CD2AP: variants seen among roughly 807,000 people sequenced by gnomAD.
The protein encoded by CD2AP is CD2 associated protein.
In CD2AP, 46 loss-of-function variants were observed where a neutral mutation model predicts 85.1. The ratio of observed to expected loss-of-function variants is 0.54; its 90% confidence interval spans 0.43 to 0.69. The LOEUF is 0.69. Among genes scored for constraint, CD2AP ranks in the 30% least tolerant of loss-of-function variants. The pLI, the probability that CD2AP is intolerant of heterozygous loss-of-function variation, is 0.00. For synonymous variants in CD2AP, 255 were observed against 252.9 expected (o/e 1.01, Z -0.08); for missense variants, 769 against 729.5 (o/e 1.05, Z -0.62).
At chr6:47,591,121 G>A (rs1475108648) in intron 11 of CD2AP, among the ~76,000 whole-genome samples, 8 of 151,218 alleles carry the variant, frequency 5.3e-5, no homozygotes, top group African/African-American at 1.2e-4. Context: ...ATGTTACCAC[G>A]TAGCAACAAA....
chr6:47,478,532 A>G (rs1765365140), intron 1 of CD2AP, among the ~76,000 whole-genome samples: 1 of 151,908 alleles, frequency 6.6e-6, no homozygotes, highest in African/African-American at 2.4e-5. Flanking sequence ...GCGCCTGGCC[A>G]CCTCTGCTAA....
Position 47,478,155 on chromosome 6 carries a change from G to T in CD2AP, c.-90G>T. On this transcript the variant is annotated 5_prime_UTR_variant, in exon 1 of 18. Transcript: ENST00000359314. ...GGGGCTAGCGCGGAGCGCGGGTCCCGCCTCCAGCCGCGGGAGCGGCCGCGC... is the reference window on the plus strand; with the variant it reads ...GGGGCTAGCGCGGAGCGCGGGTCCCTCCTCCAGCCGCGGGAGCGGCCGCGC... The T allele has an allele frequency of 6.6e-7, 1 of 1,507,812 alleles. No individual in the cohort carries two copies. 93.4% of individuals were successfully genotyped at this position (1,507,812 alleles called of 1,614,324 possible).
chr6:47,480,847 A>G (rs1371828613), intron 1 of CD2AP, among the ~76,000 whole-genome samples: 5 of 152,258 alleles, frequency 3.3e-5, no homozygotes, highest in African/African-American at 1.2e-4. Context: ...TTTATGTGAT[A>G]TAACCTTACA....
intron 2 of CD2AP, among the ~76,000 whole-genome samples, chr6:47,531,333 C>T (rs146568147): frequency 1.3e-5 from 2 of 151,940 alleles, no homozygotes; most frequent in Non-Finnish European, 2.9e-5. Context: ...ACAATTTAAC[C>T]ATTTAAAAAA....
intron 1 of CD2AP, among the ~76,000 whole-genome samples, chr6:47,494,701 G>A (rs544052983): frequency 6.6e-6 from 1 of 152,320 alleles, no homozygotes; most frequent in South Asian, 2.1e-4. Context: ...CTCCCCCATA[G>A]GACAGCATTC....
rs1227205002 is a variant in CD2AP, at chr6:47,606,067, C to T, written c.1418-98C>T. 7 of 700,768 alleles carry T rather than the reference C, an allele frequency of 1.0e-5. No homozygotes were observed. The Admixed American group carries it at 1.4e-4, about 14-fold the overall frequency. 43.4% of individuals were successfully genotyped at this position (700,768 alleles called of 1,614,324 possible). On this transcript the variant is annotated intron_variant, in intron 13 of 17. Coordinates refer to ENST00000359314, the MANE Select transcript of CD2AP (RefSeq NM_012120.3). ...GTGAGTTCTTCAAAGTAGTGGTACT[C>T]TTTTTAATTTATAGTTTGTCCAAAA...
intron 10 of CD2AP, among the ~76,000 whole-genome samples, chr6:47,581,386 T>A (rs1768475950): frequency 6.6e-6 from 1 of 152,180 alleles, no homozygotes; most frequent in Admixed American, 6.5e-5. Context: ...GCTTCCATAA[T>A]TTTCGAATAA....
chr6:47,576,330 A>T (rs775263467), intron 6 of CD2AP, among the ~76,000 whole-genome samples, 194 bp from the exon 7 acceptor site: 1 of 152,174 alleles, frequency 6.6e-6, no homozygotes, highest in African/African-American at 2.4e-5. Context: ...GAATCTTTAA[A>T]TTGGTAGCTC....
chr6:47,498,268 AT>A (rs1765917254), intron 1 of CD2AP, among the ~76,000 whole-genome samples: 1 of 152,004 alleles, frequency 6.6e-6, no homozygotes, highest in Non-Finnish European at 1.5e-5. Flanking sequence ...GTGACTTTTA[AT>A]TTTTCTTTTT....
intron 2 of CD2AP, among the ~76,000 whole-genome samples, chr6:47,528,622 T>C (rs905278163): frequency 2.6e-5 from 4 of 152,230 alleles, no homozygotes; most frequent in African/African-American, 9.6e-5. Context: ...TGCTACTGTT[T>C]TAGGCAGTGG....
At chr6:47,611,533 A>T (rs1203544346) in intron 16 of CD2AP, among the ~76,000 whole-genome samples, 1 of 151,918 alleles carries the variant, frequency 6.6e-6, no homozygotes, top group Non-Finnish European at 1.5e-5. Context: ...AATTATTGCC[A>T]AGAAGTTAGT....
intron 3 of CD2AP, among the ~76,000 whole-genome samples, chr6:47,539,524 G>C (rs1432183051): frequency 2.6e-5 from 4 of 152,232 alleles, no homozygotes; most frequent in Non-Finnish European, 5.9e-5. Flanking sequence ...AAAGGAGACA[G>C]CATACTATAG....
At chr6:47,602,547 T>C (rs1176111514) in intron 13 of CD2AP, among the ~76,000 whole-genome samples, 2 of 151,576 alleles carry the variant, frequency 1.3e-5, no homozygotes, top group African/African-American at 4.9e-5. Context: ...GAAGTTTCCT[T>C]ACAGTGTAGT....
rs1222783237 is a variant in CD2AP, at chr6:47,539,042, A to G, written c.319+5287A>G. ...GAGTAGTATGATCATGAGAAACAAT[A>G]TTGGTCTAGGCAATTAATTAAATCT... is the stretch of plus-strand genomic sequence containing the variant. On this transcript the variant is annotated intron_variant, in intron 3 of 17. Transcript: ENST00000359314. Among the ~76,000 whole-genome samples the G allele has an allele frequency of 2.6e-5, 4 of 152,190 alleles. No individual in the cohort carries two copies. In the South Asian group the frequency reaches 6.2e-4, roughly 24 times the overall value.
rs1013178704 is a variant in CD2AP, at chr6:47,624,523, T to G, written c.*296T>G. 3.4e-5 allele frequency: 11 copies of G among 324,122 alleles called. No homozygotes were observed. Among genetic ancestry groups the G allele is most frequent in the Non-Finnish European group, 5.7e-5 (10 of 176,498 alleles). The allele number at this position is 324,122 out of a possible 1,614,324, so 20.1% of individuals were successfully genotyped here. A position where few individuals can be genotyped will look rare whatever the true frequency, so the allele number is the denominator to read the frequency against. Reference sequence around the variant, plus strand: ...AATAAGAATGTGCACAGTAGTTTTTTTATTGAAACTTGTATTATTTTTAAA... The same window carrying G: ...AATAAGAATGTGCACAGTAGTTTTTGTATTGAAACTTGTATTATTTTTAAA... On this transcript the variant is annotated 3_prime_UTR_variant, in exon 18 of 18. Coordinates refer to ENST00000359314, the MANE Select transcript of CD2AP (RefSeq NM_012120.3).
intron 3 of CD2AP, among the ~76,000 whole-genome samples, chr6:47,544,318 G>T (rs1287217519): frequency 6.6e-6 from 1 of 151,950 alleles, no homozygotes; most frequent in Admixed American, 6.6e-5. Flanking sequence ...TTTTATTGTC[G>T]GTTTTTTTAG....
At chr6:47,602,473 T>C (rs1046792529) in intron 13 of CD2AP, among the ~76,000 whole-genome samples, 14 of 152,182 alleles carry the variant, frequency 9.2e-5, no homozygotes, top group African/African-American at 3.1e-4. Context: ...TTAACTTAGT[T>C]TTAAAATGTA....
Position 47,606,221 on chromosome 6 carries a change from A to G in CD2AP, c.1474A>G (p.Asn492Asp), listed in dbSNP as rs766903995. ...AGAAAACTTGCTTCATCTCACTGCA[A>G]ATAGACCAAAGATGCCTGGAAGAAG... ...SSENLLHLTA[N>D]RPKMPGRRLP... Residue 492 changes from asparagine to aspartate, a missense_variant, in exon 14 of 18, where the codon AAT becomes GAT. Coordinates refer to ENST00000359314, the MANE Select transcript of CD2AP (RefSeq NM_012120.3). 5 of 1,612,202 alleles carry G rather than the reference A, an allele frequency of 3.1e-6. No homozygotes were observed. Among genetic ancestry groups the G allele is most frequent in the East Asian group, 4.5e-5 (2 of 44,856 alleles).
chr6:47,606,832 C>T (rs1373361802), intron 14 of CD2AP, among the ~76,000 whole-genome samples: 3 of 151,954 alleles, frequency 2.0e-5, no homozygotes, highest in Admixed American at 2.0e-4. Context: ...CTAAATTGTA[C>T]TCTTAGTTAT....
Sources: allele counts gnomAD v4.1 joint callset (sites outside exome capture counted in the v4.1 genomes callset), GRCh38; gene constraint gnomAD v4.1.1; transcripts MANE v1.5; gene names NCBI Gene and HGNC (gene_info 2026-07-23, HGNC 2026-07-21).